Variants in KCNIP4 observed in about 807,000 individuals in gnomAD.
The protein encoded by KCNIP4 is potassium voltage-gated channel interacting protein 4, also known as Kv channel-interacting protein 4.
In KCNIP4, 12 loss-of-function variants were observed where a neutral mutation model predicts 34.0. That is an observed-to-expected ratio of 0.35 (90% confidence interval 0.23 to 0.57). The LOEUF (loss-of-function observed/expected upper bound fraction) is 0.57, where lower values mean the gene tolerates loss of function less well. Ranked by LOEUF, KCNIP4 falls within the 20% of genes least tolerant of loss-of-function variation. KCNIP4 has a pLI of 0.83. For missense variants in KCNIP4, 238 were observed against 311.7 expected, an observed-to-expected ratio of 0.76 and a Z score of 1.78; for synonymous variants, 124 against 102.2, an observed-to-expected ratio of 1.21 and a Z score of -1.29.
intron 2 of KCNIP4, among the ~76,000 whole-genome samples, chr4:20,856,455 G>C (rs909169477): frequency 1.1e-4 from 16 of 152,086 alleles, no homozygotes; most frequent in Non-Finnish European, 4.4e-5. Context: ...CCCACACTCT[G>C]GTTCTTGTAT....
chr4:20,932,199 G>A (rs1412670425), intron 1 of KCNIP4, among the ~76,000 whole-genome samples: 3 of 97,158 alleles, frequency 3.1e-5, no homozygotes, highest in African/African-American at 4.8e-5. Context: ...TAATATTGTA[G>A]ACTATAATAG....
At chr4:21,242,811 C>T (rs185529807) in intron 1 of KCNIP4, among the ~76,000 whole-genome samples, 1 of 152,054 alleles carries the variant, frequency 6.6e-6, no homozygotes, top group Non-Finnish European at 1.5e-5. Context: ...TGAAACTTCT[C>T]AGCCTCTATA....
chr4:21,434,115 C>T (rs1347594884), intron 1 of KCNIP4, among the ~76,000 whole-genome samples: 2 of 152,140 alleles, frequency 1.3e-5, no homozygotes, highest in Non-Finnish European at 2.9e-5. Flanking sequence ...GGATTCAAAC[C>T]CAGATGCTGC....
intron 1 of KCNIP4, among the ~76,000 whole-genome samples, chr4:21,611,880 G>C (rs913369720): frequency 5.9e-5 from 9 of 152,160 alleles, no homozygotes; most frequent in Admixed American, 5.2e-4. Context: ...ATGCCTCCAA[G>C]CATTACATGT....
intron 1 of KCNIP4, among the ~76,000 whole-genome samples, chr4:21,306,704 A>G (rs978597063): frequency 6.6e-6 from 1 of 152,234 alleles, no homozygotes; most frequent in Non-Finnish European, 1.5e-5. Context: ...TTTTTCTAGT[A>G]CAGTGAACTC....
At chr4:21,818,898 G>T (rs1722153032) in intron 1 of KCNIP4, among the ~76,000 whole-genome samples, 1 of 152,088 alleles carries the variant, frequency 6.6e-6, no homozygotes. Context: ...TACAAGTAGA[G>T]TAGTAGTGAG....
At chr4:21,820,281 G>GTA (rs1485869715) in intron 1 of KCNIP4, among the ~76,000 whole-genome samples, 5 of 17,910 alleles carry the variant, frequency 2.8e-4, no homozygotes, top group East Asian at 1.5e-3. Context: ...GTATGTGTGT[G>GTA]TGTGTATATA....
intron 1 of KCNIP4, among the ~76,000 whole-genome samples, chr4:21,227,808 T>G (rs1487341207): frequency 6.6e-6 from 1 of 152,164 alleles, no homozygotes; most frequent in African/African-American, 2.4e-5. Flanking sequence ...TTCAGATATA[T>G]CCCTTCCTTT....
At chr4:21,665,511 A>ACC (rs11291297) in intron 1 of KCNIP4, among the ~76,000 whole-genome samples, 102 of 138,944 alleles carry the variant, frequency 7.3e-4, no homozygotes, top group East Asian at 4.3e-3. Context: ...ATCACAGGGC[A>ACC]CCCCCCCCCC....
At chr4:21,597,941 G>C (rs1211127447) in intron 1 of KCNIP4, among the ~76,000 whole-genome samples, 1 of 150,262 alleles carries the variant, frequency 6.7e-6, no homozygotes, top group African/African-American at 2.5e-5. Context: ...AAAGACAACA[G>C]AAGAGAAAAG....
intron 1 of KCNIP4, among the ~76,000 whole-genome samples, chr4:21,370,391 CAT>C (rs1171485699): frequency 1.4e-5 from 2 of 146,700 alleles, no homozygotes; most frequent in Non-Finnish European, 2.9e-5. Flanking sequence ...GGCTGTAAAA[CAT>C]AGACTAAAAT....
intron 1 of KCNIP4, among the ~76,000 whole-genome samples, chr4:21,037,705 G>T (rs1270828130): frequency 2.6e-5 from 4 of 152,176 alleles, no homozygotes; most frequent in African/African-American, 9.7e-5. Flanking sequence ...AGAAACAAAT[G>T]AATGTTTGTA....
At chr4:20,760,510 A>G (rs1754869932) in intron 3 of KCNIP4, among the ~76,000 whole-genome samples, 1 of 152,026 alleles carries the variant, frequency 6.6e-6, no homozygotes, top group Non-Finnish European at 1.5e-5. Context: ...CTATTTTCTC[A>G]TTTGTTGTTT....
At chr4:21,315,890 G>A (rs551925169) in intron 1 of KCNIP4, among the ~76,000 whole-genome samples, 3 of 152,220 alleles carry the variant, frequency 2.0e-5, no homozygotes, top group African/African-American at 4.8e-5. Flanking sequence ...AATGAAATCC[G>A]AAGTCATGGC....
intron 1 of KCNIP4, among the ~76,000 whole-genome samples, chr4:21,192,954 A>G (rs1050431385): frequency 6.4e-5 from 7 of 109,224 alleles, no homozygotes; most frequent in South Asian, 3.3e-4. Flanking sequence ...TACTACTACT[A>G]ATAATAATAA....
At chr4:21,547,736 T>C (rs1400635160) in intron 1 of KCNIP4, among the ~76,000 whole-genome samples, 7 of 152,002 alleles carry the variant, frequency 4.6e-5, no homozygotes, top group South Asian at 4.1e-4. Context: ...AGATTTCAGA[T>C]TTTTTTTGGA....
intron 1 of KCNIP4, among the ~76,000 whole-genome samples, chr4:21,644,731 TG>T (rs2109243134): frequency 6.6e-6 from 1 of 152,288 alleles, no homozygotes; most frequent in South Asian, 2.1e-4. Flanking sequence ...CCTTAGGTTT[TG>T]TTTTGGTTTT....
intron 1 of KCNIP4, among the ~76,000 whole-genome samples, chr4:21,547,764 A>G (rs1211285135): frequency 6.6e-6 from 1 of 152,118 alleles, no homozygotes. Context: ...ATATTTGCAT[A>G]CGTATTTGCA....
intron 1 of KCNIP4, among the ~76,000 whole-genome samples, chr4:21,025,601 T>TGG (rs1740488516): frequency 8.3e-6 from 1 of 120,086 alleles, no homozygotes; most frequent in Non-Finnish European, 1.6e-5. Context: ...TTGCCCAGGC[T>TGG]AGAGTGCAGT....
Sources: allele counts gnomAD v4.1 joint callset (sites outside exome capture counted in the v4.1 genomes callset), GRCh38; gene constraint gnomAD v4.1.1; transcripts MANE v1.5; gene names NCBI Gene and HGNC (gene_info 2026-07-23, HGNC 2026-07-21).